TACC2: variants seen among roughly 807,000 people sequenced by gnomAD.
TACC2 encodes the protein transforming acidic coiled-coil-containing protein 2.
A neutral mutation model predicts 227.3 loss-of-function variants in TACC2; 137 were observed. The observed-to-expected ratio is 0.60, with a 90% CI of 0.52 to 0.69. TACC2 has a LOEUF of 0.69. Ranked by LOEUF, TACC2 falls within the 30% of genes least tolerant of loss-of-function variation. The probability of loss-of-function intolerance (pLI) is 0.00; values close to 1 mark genes in which losing one functional copy is unlikely to be tolerated. For missense variants in TACC2, 3,470 were observed against 3,694.4 expected, an observed-to-expected ratio of 0.94 and a Z score of 1.57; for synonymous variants, 1,523 against 1,487.5, an observed-to-expected ratio of 1.02 and a Z score of -0.55.
chr10:122,211,849 C>T (rs2095301308), intron 9 of TACC2, 141 bp downstream of exon 9: 1 of 646,578 alleles, frequency 1.5e-6, no homozygotes, highest in Non-Finnish European at 2.5e-6. Context: ...ACGGCCGTTG[C>T]ACCAAGCAGA....
intron 2 of TACC2, among the ~76,000 whole-genome samples, chr10:122,038,198 G>T (rs1248714722): frequency 1.3e-5 from 2 of 152,084 alleles, no homozygotes; most frequent in South Asian, 2.1e-4. Flanking sequence ...GGGGAGAGGG[G>T]GCAGAGGTTG....
chr10:122,119,923 G>GA, intron 5 of TACC2, among the ~76,000 whole-genome samples: 1 of 109,906 alleles, frequency 9.1e-6, no homozygotes, highest in African/African-American at 3.2e-5. Flanking sequence ...CTTCTCAAAA[G>GA]AAAAAAAAAA....
At chr10:122,137,260 C>A (rs1286237730) in intron 6 of TACC2, among the ~76,000 whole-genome samples, 1 of 151,266 alleles carries the variant, frequency 6.6e-6, no homozygotes, top group African/African-American at 2.4e-5. Flanking sequence ...GCCACTTGTA[C>A]TCTCATCTGT....
At chr10:122,066,556 C>A (rs887464740) in intron 3 of TACC2, among the ~76,000 whole-genome samples, 1 of 152,150 alleles carries the variant, frequency 6.6e-6, no homozygotes, top group Admixed American at 6.5e-5. Context: ...CGTGAGCCAC[C>A]GCGCCCAGCT....
At chr10:122,014,490 C>T (rs1033340144) in intron 1 of TACC2, among the ~76,000 whole-genome samples, 5 of 152,152 alleles carry the variant, frequency 3.3e-5, no homozygotes, top group East Asian at 3.9e-4. Context: ...GGATTACAGG[C>T]ATGAGCCACC....
At chr10:122,236,267 C>T (rs1257618013) in intron 16 of TACC2, among the ~76,000 whole-genome samples, 1 of 152,122 alleles carries the variant, frequency 6.6e-6, no homozygotes, top group Non-Finnish European at 1.5e-5. Flanking sequence ...TATTCTTTCC[C>T]CAAATCTCTC....
intron 1 of TACC2, among the ~76,000 whole-genome samples, chr10:122,000,144 C>A (rs988831855): frequency 6.6e-6 from 1 of 152,180 alleles, no homozygotes; most frequent in Non-Finnish European, 1.5e-5. Context: ...GTAATCCCAG[C>A]ACTTTGGGAG....
chr10:122,044,298 G>A (rs774348985), intron 2 of TACC2, among the ~76,000 whole-genome samples: 3 of 152,224 alleles, frequency 2.0e-5, no homozygotes, highest in African/African-American at 4.8e-5. Flanking sequence ...ACCTGTATTC[G>A]TCAATCTTTT....
At chr10:122,195,555 G>A (rs937307433) in intron 8 of TACC2, among the ~76,000 whole-genome samples, 2 of 152,198 alleles carry the variant, frequency 1.3e-5, no homozygotes, top group Non-Finnish European at 2.9e-5. Context: ...GGGGAAGGAA[G>A]GTAGTCAGTG....
At chr10:122,200,342 AC>A (rs1324866067) in intron 8 of TACC2, among the ~76,000 whole-genome samples, 1 of 152,038 alleles carries the variant, frequency 6.6e-6, no homozygotes, top group Admixed American at 6.5e-5. Flanking sequence ...AGGTGAGGAG[AC>A]ATGAGAGGAT....
intron 7 of TACC2, among the ~76,000 whole-genome samples, chr10:122,168,049 G>T (rs953047825): frequency 2.8e-5 from 3 of 108,804 alleles, no homozygotes; most frequent in Admixed American, 9.4e-5. Flanking sequence ...ACCATGCCCA[G>T]CTTTTTTTTT....
At chr10:122,129,595 G>T (rs1271646144) in intron 5 of TACC2, among the ~76,000 whole-genome samples, 7 of 152,186 alleles carry the variant, frequency 4.6e-5, no homozygotes, top group Admixed American at 4.6e-4. Flanking sequence ...TGTGTTGCCA[G>T]AACTTTGGAG....
In TACC2 at chr10:122,018,445, C is replaced by T. The variant is rs148271635; in HGVS notation, c.-45-3492C>T. On this transcript the variant is annotated intron_variant, in intron 1 of 22. Transcript: ENST00000369005. ...CATTTGAAAGTGAGCAATTCAGTGG[C>T]ATTTAGTATATCACAATGCTGTGAA... is the stretch of plus-strand genomic sequence containing the variant. Among the ~76,000 whole-genome samples, 435 of 152,222 alleles carry T rather than the reference C, an allele frequency of 2.9e-3. 4 individuals carry two copies. Among genetic ancestry groups the T allele is most frequent in the African/African-American group, 9.5e-3 (396 of 41,532 alleles).
intron 7 of TACC2, among the ~76,000 whole-genome samples, chr10:122,151,774 G>A (rs1357583649): frequency 6.6e-6 from 1 of 152,224 alleles, no homozygotes; most frequent in Non-Finnish European, 1.5e-5. Flanking sequence ...AGTGGCCGTG[G>A]GGATGGAGGG....
chr10:122,249,596 G>A lies in TACC2; in HGVS notation c.8713G>A (p.Ala2905Thr), dbSNP rs114931291. Residue 2905 changes from alanine (A) to threonine (T), a missense_variant, in exon 22 of 23, where the codon GCC becomes ACC. By Grantham distance (58) the Ala-to-Thr change is moderately conservative (BLOSUM62 0). Around this residue, in one of 10 missense-constraint regions of TACC2, gnomAD observed 89 missense variants for 91.4 expected, o/e 0.97. Transcript: ENST00000369005. The stretch of plus-strand genomic sequence containing the variant: ...AGGCAAGGCCCAGCAGGAGCAAGCC[G>A]CCCACCAGGCCAGCCTGCGGAAGGA... The part of the protein sequence containing the change: ...VRGKAQQEQA[A>T]HQASLRKEQL... 5.0e-6 allele frequency: 8 copies of A among 1,613,980 alleles called. No homozygotes were observed. Among genetic ancestry groups the A allele is most frequent in the African/African-American group, 4.0e-5 (3 of 74,944 alleles).
chr10:122,129,940 C>T (rs78295845), intron 5 of TACC2, among the ~76,000 whole-genome samples: 5 of 152,192 alleles, frequency 3.3e-5, no homozygotes, highest in East Asian at 1.9e-4. Flanking sequence ...CCTGGACCTC[C>T]GCACTGTCAA....
chr10:122,021,642 G>A (rs536243313), intron 1 of TACC2, among the ~76,000 whole-genome samples: 3 of 152,240 alleles, frequency 2.0e-5, no homozygotes, highest in South Asian at 2.1e-4. Context: ...CACTCCGTTT[G>A]TATATATACG....
At chr10:122,102,617 T>A (rs2082299838) in intron 5 of TACC2, among the ~76,000 whole-genome samples, 1 of 152,246 alleles carries the variant, frequency 6.6e-6, no homozygotes, top group Non-Finnish European at 1.5e-5. Context: ...CGAAGGCTTA[T>A]TTTAAATTGG....
chr10:121,997,531 T>A (rs1953686898), intron 1 of TACC2, among the ~76,000 whole-genome samples: 1 of 152,180 alleles, frequency 6.6e-6, no homozygotes, highest in South Asian at 2.1e-4. Context: ...GGTGGGTTGA[T>A]GTGGTGGGCC....
Sources: gnomAD v4.1 joint callset for allele counts (sites outside exome capture counted in the v4.1 genomes callset) on GRCh38, gnomAD v4.1.1 for gene constraint, gnomAD v4.1.1 regional missense constraint, MANE v1.5 for transcripts, NCBI Gene and HGNC (gene_info 2026-07-23, HGNC 2026-07-21) for gene names.